The following RPTOR variants were observed in gnomAD, a reference collection of about 807,000 sequenced individuals.
RPTOR encodes regulatory-associated protein of mTOR.
In RPTOR, 21 loss-of-function variants were observed where a neutral mutation model predicts 169.9. That is an observed-to-expected ratio of 0.12 (90% CI 0.09 to 0.18). The LOEUF (loss-of-function observed/expected upper bound fraction) is 0.18, where lower values mean the gene tolerates loss of function less well. Ranked by LOEUF, RPTOR falls within the 10% of genes least tolerant of loss-of-function variation. The probability of loss-of-function intolerance (pLI) is 1.00; values close to 1 mark genes in which losing one functional copy is unlikely to be tolerated. For synonymous variants in RPTOR, 732 were observed against 753.2 expected (o/e 0.97, Z 0.46); for missense variants, 1,133 against 1,855.9 (o/e 0.61, Z 7.16).
chr17:80,565,418 T>A lies in RPTOR; in HGVS notation c.162+19627T>A, dbSNP rs562789896. Among the ~76,000 whole-genome samples the A allele has an allele frequency of 5.9e-5, 9 of 152,078 alleles. No individual in the cohort carries two copies. In the South Asian group the frequency reaches 1.7e-3, roughly 28 times the overall value. On this transcript the variant is annotated intron_variant, in intron 1 of 33. Coordinates refer to ENST00000306801, the MANE Select transcript of RPTOR (RefSeq NM_020761.3). The stretch of plus-strand genomic sequence containing the variant: ...TGGTGGTCACACACCATGGGGGGTG[T>A]AGGAGGAGCAAGGTGGGCTGGTGAC...
At chr17:80,693,902 C>T (rs2066013935) in intron 3 of RPTOR, among the ~76,000 whole-genome samples, 1 of 152,234 alleles carries the variant, frequency 6.6e-6, no homozygotes, top group Non-Finnish European at 1.5e-5. Context: ...GAGAGCCCGG[C>T]ATGGTCCGGA....
chr17:80,882,872 G>A (rs954717959), intron 14 of RPTOR, among the ~76,000 whole-genome samples: 1 of 152,192 alleles, frequency 6.6e-6, no homozygotes, highest in African/African-American at 2.4e-5. Flanking sequence ...ACACTAGACC[G>A]CGCGACGTGT....
intron 3 of RPTOR, among the ~76,000 whole-genome samples, chr17:80,655,912 G>A (rs1005070447): frequency 2.2e-4 from 33 of 152,076 alleles, no homozygotes; most frequent in African/African-American, 7.0e-4. Flanking sequence ...AGGGCAAGTC[G>A]GTGGATCTGC....
At chr17:80,719,551 T>C (rs899745596) in intron 4 of RPTOR, among the ~76,000 whole-genome samples, 2 of 152,184 alleles carry the variant, frequency 1.3e-5, no homozygotes, top group African/African-American at 2.4e-5. Flanking sequence ...CCAGGAACTG[T>C]GGTCTCATCT....
chr17:80,871,729 G>C (rs141735581), intron 13 of RPTOR, among the ~76,000 whole-genome samples: 2 of 152,162 alleles, frequency 1.3e-5, no homozygotes, highest in African/African-American at 4.8e-5. Flanking sequence ...ATTTATATAG[G>C]CTTACTGTAT....
chr17:80,681,356 G>T (rs535350131), intron 3 of RPTOR, among the ~76,000 whole-genome samples: 1 of 152,296 alleles, frequency 6.6e-6, no homozygotes, highest in Non-Finnish European at 1.5e-5. Flanking sequence ...GAAAGTTGCG[G>T]GGCCGCGGCT....
chr17:80,949,272 AGAG>A (rs1261223088), intron 27 of RPTOR, among the ~76,000 whole-genome samples, 168 bp from the exon 28 acceptor site: 4 of 152,150 alleles, frequency 2.6e-5, no homozygotes, highest in African/African-American at 9.7e-5. Flanking sequence ...ATCTGAGGAC[AGAG>A]TCCAGTCGGT....
intron 5 of RPTOR, among the ~76,000 whole-genome samples, chr17:80,732,935 T>G (rs2066404491): frequency 6.6e-6 from 1 of 152,216 alleles, no homozygotes; most frequent in South Asian, 2.1e-4. Flanking sequence ...CTGAAAGAAA[T>G]TGACAGGTGA....
chr17:80,891,872 C>T (rs2068328942), intron 18 of RPTOR, 35 bp downstream of exon 18: 1 of 1,485,602 alleles, frequency 6.7e-7, no homozygotes, highest in African/African-American at 1.4e-5. Flanking sequence ...CGCAGAGCAC[C>T]TCGCCTGGCG....
At chr17:80,594,075 CTTCTCTTCTCTT>C (rs1322866787) in intron 1 of RPTOR, among the ~76,000 whole-genome samples, 1 of 151,522 alleles carries the variant, frequency 6.6e-6, no homozygotes, top group Non-Finnish European at 1.5e-5. Context: ...CTTTCTTTCT[CTTCTCTTCTCTT>C]TTCTCTTTTC....
chr17:80,937,501 G>T (rs2068968857), intron 24 of RPTOR, among the ~76,000 whole-genome samples: 1 of 152,096 alleles, frequency 6.6e-6, no homozygotes, highest in Non-Finnish European at 1.5e-5. Flanking sequence ...TTGGCTTTCA[G>T]CTGAAGCCTC....
Position 80,797,972 on chromosome 17 carries a change from T to G in RPTOR, c.890+6463T>G, listed in dbSNP as rs142275683. ...CAAACAGATCATCATCAAGCTCTAC[T>G]GATGAATGCGGCCCCTGTGTTCCAG... On this transcript the variant is annotated intron_variant, in intron 7 of 33. Coordinates refer to ENST00000306801, the MANE Select transcript of RPTOR (RefSeq NM_020761.3). Among the ~76,000 whole-genome samples, 216 of 152,360 alleles carry G rather than the reference T, an allele frequency of 1.4e-3. 1 individual carries two copies. Among genetic ancestry groups the G allele is most frequent in the Middle Eastern group, 3.4e-3 (1 of 294 alleles).
intron 11 of RPTOR, among the ~76,000 whole-genome samples, chr17:80,846,814 C>T (rs1388908773): frequency 3.3e-5 from 5 of 152,258 alleles, no homozygotes; most frequent in Non-Finnish European, 7.3e-5. Context: ...TCCTCTAAAG[C>T]CATTGATTTC....
Position 80,672,024 on chromosome 17 carries a change from G to A in RPTOR, c.348+28214G>A, listed in dbSNP as rs138452661. 2.7e-3 allele frequency among the ~76,000 whole-genome samples: 406 copies of A among 152,222 alleles called. 2 individuals are homozygous for A. Among genetic ancestry groups the A allele is most frequent in the African/African-American group, 9.5e-3 (396 of 41,520 alleles). ...GCTTCTTTTTAAAATACAATGGTTC[G>A]TAGGTTGATTTATCTTTATTTTAAA... On this transcript the variant is annotated intron_variant, in intron 3 of 33. Transcript: ENST00000306801.
intron 17 of RPTOR, among the ~76,000 whole-genome samples, chr17:80,891,347 G>A (rs1480773586): frequency 2.0e-5 from 3 of 152,254 alleles, no homozygotes; most frequent in South Asian, 2.1e-4. Context: ...CTAGAGCGGC[G>A]TTTTCAGCCA....
chr17:80,775,635 A>G (rs1217178379), intron 6 of RPTOR, among the ~76,000 whole-genome samples: 2 of 152,212 alleles, frequency 1.3e-5, no homozygotes, highest in Non-Finnish European at 2.9e-5. Context: ...CAGGATGAAA[A>G]ACAGACAGCC....
chr17:80,935,839 A>G (rs893470765), intron 24 of RPTOR, among the ~76,000 whole-genome samples: 4 of 152,214 alleles, frequency 2.6e-5, no homozygotes, highest in Admixed American at 6.5e-5. Context: ...TGCAAAAAGT[A>G]CAAGTCAAAA....
chr17:80,705,160 G>C (rs958244777), intron 3 of RPTOR, among the ~76,000 whole-genome samples: 2 of 152,264 alleles, frequency 1.3e-5, no homozygotes, highest in African/African-American at 4.8e-5. Flanking sequence ...CCCCCTGTGC[G>C]TGTCAACGCA....
rs2067712491 is a variant in RPTOR, at chr17:80,845,033, T to C, written c.1213-1440T>C. On this transcript the variant is annotated intron_variant, in intron 10 of 33. Transcript: ENST00000306801. This position sits in a 1 kb window ranked among gnomAD's most constrained non-coding sequence, Gnocchi z 5.4. ...GGGGCTCAGGGAAGGCAGAGCTGTG[T>C]GTTAAGTGGAAGTGACTCTCCGTGG... Among the ~76,000 whole-genome samples the C allele has an allele frequency of 1.3e-5, 2 of 151,132 alleles. No individual in the cohort carries two copies. The highest frequency in any genetic ancestry group is 4.2e-4 in the South Asian group (2 of 4,784).
Sources: gnomAD v4.1 joint callset for allele counts (sites outside exome capture counted in the v4.1 genomes callset) on GRCh38, gnomAD v4.1.1 for gene constraint, Gnocchi (gnomAD v3.1) non-coding constraint, MANE v1.5 for transcripts, NCBI Gene and HGNC (gene_info 2026-07-23, HGNC 2026-07-21) for gene names.